ARHGAP26: variants seen among roughly 807,000 people sequenced by gnomAD.
The protein encoded by ARHGAP26 is rho GTPase-activating protein 26.
A neutral mutation model predicts 104.8 loss-of-function variants in ARHGAP26; 38 were observed. The observed-to-expected ratio is 0.36, with a 90% CI of 0.28 to 0.48. ARHGAP26 has a LOEUF of 0.48. Among genes scored for constraint, ARHGAP26 ranks in the 20% least tolerant of loss-of-function variants. ARHGAP26 has a pLI of 0.99. For missense variants in ARHGAP26, 704 were observed against 947.9 expected (o/e 0.74, Z 3.38); for synonymous variants, 341 against 340.0 (o/e 1.00, Z -0.03).
chr5:142,929,112 A>G (rs1764349574), intron 10 of ARHGAP26, among the ~76,000 whole-genome samples: 2 of 151,814 alleles, frequency 1.3e-5, no homozygotes, highest in South Asian at 4.2e-4. Flanking sequence ...TAATTTTTGT[A>G]TTTTTTAGTA....
chr5:143,013,160 A>G (rs1210447771), intron 11 of ARHGAP26, among the ~76,000 whole-genome samples: 2 of 152,114 alleles, frequency 1.3e-5, no homozygotes, highest in Non-Finnish European at 2.9e-5. Flanking sequence ...CTAAATATCA[A>G]CCTCTCTTAA....
At chr5:142,862,096 T>C (rs1753460656) in intron 1 of ARHGAP26, among the ~76,000 whole-genome samples, 1 of 152,190 alleles carries the variant, frequency 6.6e-6, no homozygotes, top group Non-Finnish European at 1.5e-5. Flanking sequence ...TTGTTGTTCC[T>C]TTTTTTCTTT....
chr5:142,854,495 TAGG>T (rs1160543645), intron 1 of ARHGAP26, among the ~76,000 whole-genome samples: 1 of 152,180 alleles, frequency 6.6e-6, no homozygotes, highest in Non-Finnish European at 1.5e-5. Context: ...GTCCCTGAAA[TAGG>T]AGGTGCTCAA....
chr5:142,776,219 C>T (rs938893764), intron 1 of ARHGAP26, among the ~76,000 whole-genome samples: 8 of 152,092 alleles, frequency 5.3e-5, no homozygotes, highest in African/African-American at 9.7e-5. Flanking sequence ...GTGATCCTCC[C>T]GTCTTGGCCT....
intron 11 of ARHGAP26, among the ~76,000 whole-genome samples, chr5:142,956,063 C>A (rs1769181394): frequency 6.6e-6 from 1 of 152,164 alleles, no homozygotes; most frequent in Non-Finnish European, 1.5e-5. Context: ...TGTAATGAAA[C>A]CAGGCATTGG....
intron 11 of ARHGAP26, among the ~76,000 whole-genome samples, chr5:142,966,500 A>G (rs889848639): frequency 2.6e-5 from 4 of 152,214 alleles, no homozygotes; most frequent in African/African-American, 9.7e-5. Context: ...TATGCTCAGC[A>G]TTGTTTCCTT....
intron 22 of ARHGAP26, among the ~76,000 whole-genome samples, chr5:143,221,315 A>G (rs1811093346): frequency 6.6e-6 from 1 of 151,986 alleles, no homozygotes; most frequent in South Asian, 2.1e-4. Context: ...GAATTTTCAA[A>G]CTGGTATATA....
At chr5:142,987,575 G>C (rs1459480711) in intron 11 of ARHGAP26, among the ~76,000 whole-genome samples, 2 of 152,162 alleles carry the variant, frequency 1.3e-5, no homozygotes, top group African/African-American at 4.8e-5. Flanking sequence ...TCTTGTGCCA[G>C]TTTTCAAAGG....
intron 1 of ARHGAP26, among the ~76,000 whole-genome samples, chr5:142,778,591 C>T (rs1597578480): frequency 6.6e-6 from 1 of 152,196 alleles, no homozygotes; most frequent in East Asian, 1.9e-4. Flanking sequence ...TGTGGATATG[C>T]CATAGTTGGT....
chr5:143,040,414 T>G (rs1244518417), intron 13 of ARHGAP26, among the ~76,000 whole-genome samples: 1 of 149,890 alleles, frequency 6.7e-6, no homozygotes, highest in Non-Finnish European at 1.5e-5. Context: ...GATTGTGTTT[T>G]GGCCCCCAAG....
At chr5:142,945,893 A>G (rs1767033417) in intron 11 of ARHGAP26, among the ~76,000 whole-genome samples, 1 of 152,170 alleles carries the variant, frequency 6.6e-6, no homozygotes, top group African/African-American at 2.4e-5. Flanking sequence ...AGTGTCTTTT[A>G]TCCCAGATCA....
At chr5:143,096,536 C>T (rs970579861) in intron 17 of ARHGAP26, among the ~76,000 whole-genome samples, 2 of 152,192 alleles carry the variant, frequency 1.3e-5, no homozygotes, top group Admixed American at 6.5e-5. Flanking sequence ...GCAACTCAGT[C>T]GCACAACTGC....
At chr5:143,178,912 C>T (rs1301477282) in intron 20 of ARHGAP26, among the ~76,000 whole-genome samples, 1 of 151,994 alleles carries the variant, frequency 6.6e-6, no homozygotes, top group Non-Finnish European at 1.5e-5. Flanking sequence ...CTCTATCACC[C>T]AGGGTGGAGT....
chr5:142,906,744 G>A (rs1761158798), intron 8 of ARHGAP26, among the ~76,000 whole-genome samples: 1 of 152,178 alleles, frequency 6.6e-6, no homozygotes, highest in Non-Finnish European at 1.5e-5. Flanking sequence ...ATTTGTCCTT[G>A]ACGGCCCAGT....
intron 1 of ARHGAP26, among the ~76,000 whole-genome samples, chr5:142,817,387 C>A (rs1286779989): frequency 4.6e-5 from 7 of 152,164 alleles, no homozygotes; most frequent in Admixed American, 3.3e-4. Flanking sequence ...GGGAACCATT[C>A]CCCTTTCAGG....
At chr5:143,036,481 T>G (rs764028893) in intron 12 of ARHGAP26, among the ~76,000 whole-genome samples, 8 of 152,218 alleles carry the variant, frequency 5.3e-5, no homozygotes, top group Non-Finnish European at 1.2e-4. Context: ...TCATGCTGCT[T>G]CCTTTGGTAG....
At chr5:142,963,172 G>GTGTA (rs1491583193) in intron 11 of ARHGAP26, among the ~76,000 whole-genome samples, 3 of 89,052 alleles carry the variant, frequency 3.4e-5, no homozygotes, top group Non-Finnish European at 6.4e-5. Context: ...TGGTATATAT[G>GTGTA]TATATATATA....
rs116572939 is a variant in ARHGAP26, at chr5:142,809,390, A to G, written c.154+38475A>G. On this transcript the variant is annotated intron_variant, in intron 1 of 22. Transcript: ENST00000645722. ...TGAGCTTCTTAGAAGAAGGGGTCAG[A>G]TCAGCTGGTGCAATTCTGCATTCCC... Among the ~76,000 whole-genome samples, 665 of 152,338 alleles carry G rather than the reference A, an allele frequency of 4.4e-3. 6 individuals are homozygous for G. The highest frequency in any genetic ancestry group is 0.015 in the African/African-American group (636 of 41,582).
chr5:142,968,828 A>G (rs908936894), intron 11 of ARHGAP26, among the ~76,000 whole-genome samples: 3 of 152,216 alleles, frequency 2.0e-5, no homozygotes, highest in Non-Finnish European at 4.4e-5. Flanking sequence ...TTCCCTGACA[A>G]ACTGCTGGCA....
Sources: gnomAD v4.1 joint callset for allele counts (sites outside exome capture counted in the v4.1 genomes callset) on GRCh38, gnomAD v4.1.1 for gene constraint, MANE v1.5 for transcripts, NCBI Gene and HGNC (gene_info 2026-07-23, HGNC 2026-07-21) for gene names.